CRYBA4: variants seen among roughly 807,000 people sequenced by gnomAD.
CRYBA4 encodes the protein beta-crystallin A4.
In CRYBA4, 30 loss-of-function variants were observed where a neutral mutation model predicts 31.7. The observed-to-expected ratio is 0.95, with a 90% CI of 0.71 to 1.28. The LOEUF (loss-of-function observed/expected upper bound fraction) is 1.28. Ranked by LOEUF, CRYBA4 falls within the 50% of genes most tolerant of loss-of-function variation. The pLI is 0.00. For synonymous variants in CRYBA4, 102 were observed against 102.3 expected, an observed-to-expected ratio of 1.00 and a Z score of 0.02; for missense variants, 225 against 260.7, an observed-to-expected ratio of 0.86 and a Z score of 0.94.
At chr22:26,613,951 G>A in the CRYBA4 span, among the ~76,000 whole-genome samples, 1 of 152,188 alleles carries the variant, frequency 6.6e-6, no homozygotes, top group East Asian at 1.9e-4. Context: ...CCCCCTGGGC[G>A]TGGTCGTCTC....
chr22:26,614,472 G>C, the CRYBA4 span, among the ~76,000 whole-genome samples: 1 of 152,144 alleles, frequency 6.6e-6, no homozygotes, highest in Non-Finnish European at 1.5e-5. Flanking sequence ...CAGGAGACAG[G>C]GATAAGAACG....
the CRYBA4 span, chr22:26,612,178 C>G: frequency 3.7e-6 from 6 of 1,613,024 alleles, no homozygotes; most frequent in African/African-American, 5.4e-5. Flanking sequence ...TTTTCCAGTT[C>G]GAAGACCACC....
intron 4 of CRYBA4, among the ~76,000 whole-genome samples, chr22:26,627,847 C>T (rs1243030823): frequency 6.6e-6 from 1 of 152,012 alleles, no homozygotes; most frequent in Admixed American, 6.6e-5. Flanking sequence ...AGGGTTTCAC[C>T]ATGTTCGTCG....
chr22:26,614,432 A>T, the CRYBA4 span, among the ~76,000 whole-genome samples: 1 of 152,304 alleles, frequency 6.6e-6, no homozygotes, highest in East Asian at 1.9e-4. Context: ...AAAAGAATCT[A>T]TGTGAATATC....
Position 26,630,618 on chromosome 22 carries a change from G to A in CRYBA4, c.*131G>A, listed in dbSNP as rs1433744113. ...ACCCAGCACCCATGTGAACTGGTCC[G>A]TGCACAGTCAGCACAAAAAACTCAA... On this transcript the variant is annotated 3_prime_UTR_variant, in exon 6 of 6. Coordinates refer to ENST00000354760, the MANE Select transcript of CRYBA4 (RefSeq NM_001886.3). 4 of 724,946 alleles carry A rather than the reference G, an allele frequency of 5.5e-6. No individual in the cohort carries two copies. The highest frequency in any genetic ancestry group is 1.8e-5 in the African/African-American group (1 of 56,650). 44.9% of individuals were successfully genotyped at this position (724,946 alleles called of 1,614,324 possible).
At chr22:26,590,387 C>T in the CRYBA4 span, among the ~76,000 whole-genome samples, 1 of 152,152 alleles carries the variant, frequency 6.6e-6, no homozygotes, top group Admixed American at 6.5e-5. Flanking sequence ...AAGAGAAGTT[C>T]CTTTCTGCCT....
the CRYBA4 span, among the ~76,000 whole-genome samples, chr22:26,615,312 C>A: frequency 1.3e-5 from 2 of 152,158 alleles, no homozygotes; most frequent in Admixed American, 1.3e-4. Flanking sequence ...CCTGCTGCCC[C>A]AGTGAGCCTC....
chr22:26,612,222 G>A, the CRYBA4 span: 1 of 1,454,720 alleles, frequency 6.9e-7, no homozygotes, highest in East Asian at 2.3e-5. Context: ...GCCAAGGGCA[G>A]AGTGAGGGGG....
the CRYBA4 span, among the ~76,000 whole-genome samples, chr22:26,601,677 G>A: frequency 7.8e-6 from 1 of 127,586 alleles, no homozygotes; most frequent in African/African-American, 3.1e-5. Flanking sequence ...TGTTTACACT[G>A]ACCTGGAATT....
At chr22:26,613,720 A>C in the CRYBA4 span, among the ~76,000 whole-genome samples, 352 of 152,340 alleles carry the variant, frequency 2.3e-3, 1 homozygote, top group African/African-American at 8.1e-3. Context: ...TGTTTGAGCA[A>C]TATGAAATGT....
the CRYBA4 span, chr22:26,599,329 G>A: frequency 6.1e-6 from 4 of 656,802 alleles, no homozygotes. Context: ...TAAGAGCGAG[G>A]AAGTCACATC....
the CRYBA4 span, among the ~76,000 whole-genome samples, chr22:26,614,196 T>C: frequency 1.3e-5 from 2 of 152,212 alleles, no homozygotes; most frequent in Non-Finnish European, 2.9e-5. Context: ...TGCCCTGTGA[T>C]ATTCTATTAC....
At chr22:26,616,778 G>A in the CRYBA4 span, among the ~76,000 whole-genome samples, 3 of 152,178 alleles carry the variant, frequency 2.0e-5, no homozygotes, top group Admixed American at 6.5e-5. Context: ...AACCTCACCC[G>A]ATGGAGTAGC....
chr22:26,619,525 A>G (rs895609180), upstream of CRYBA4, among the ~76,000 whole-genome samples: 1 of 152,162 alleles, frequency 6.6e-6, no homozygotes, highest in African/African-American at 2.4e-5. Context: ...TTGCGGGGGC[A>G]TCTGGATAGG....
upstream of CRYBA4, among the ~76,000 whole-genome samples, chr22:26,618,859 C>A (rs546359448): frequency 1.3e-5 from 2 of 152,320 alleles, no homozygotes; most frequent in Non-Finnish European, 2.9e-5. Context: ...CCACATTGGG[C>A]CCCATCCTTT....
chr22:26,606,248 G>A, the CRYBA4 span, among the ~76,000 whole-genome samples: 2 of 152,108 alleles, frequency 1.3e-5, no homozygotes, highest in East Asian at 3.8e-4. Context: ...CTGGGGTGGG[G>A]TCTAGGCTTT....
the CRYBA4 span, among the ~76,000 whole-genome samples, chr22:26,611,601 A>C: frequency 5.3e-5 from 8 of 150,520 alleles, no homozygotes; most frequent in East Asian, 1.9e-4. Flanking sequence ...CAGCCTCCCG[A>C]GTAGCTGGGA....
the CRYBA4 span, among the ~76,000 whole-genome samples, chr22:26,594,338 G>C: frequency 6.6e-6 from 1 of 152,178 alleles, no homozygotes; most frequent in Non-Finnish European, 1.5e-5. Context: ...TGGCACAAAA[G>C]CATTCAATGC....
At chr22:26,596,961 G>T in the CRYBA4 span, among the ~76,000 whole-genome samples, 2 of 152,180 alleles carry the variant, frequency 1.3e-5, no homozygotes, top group Non-Finnish European at 2.9e-5. Context: ...GTACAGCAGG[G>T]TTAATACCCT....
Sources: gnomAD v4.1 joint callset for allele counts (sites outside exome capture counted in the v4.1 genomes callset) on GRCh38, gnomAD v4.1.1 for gene constraint, MANE v1.5 for transcripts, NCBI Gene and HGNC (gene_info 2026-07-23, HGNC 2026-07-21) for gene names.